Variants in ENO2 observed in about 807,000 individuals in gnomAD.
The protein encoded by ENO2 is enolase 2.
A neutral mutation model predicts 48.7 loss-of-function variants in ENO2; 19 were observed. The ratio of observed to expected loss-of-function variants is 0.39; its 90% CI spans 0.27 to 0.57. The LOEUF is 0.57. ENO2 is among the 20% of genes least tolerant of loss of function. The pLI is 0.58. For synonymous variants in ENO2, 198 were observed against 213.4 expected (o/e 0.93, Z 0.63); for missense variants, 416 against 555.0 (o/e 0.75, Z 2.52).
chr12:6,921,519 C>T (rs1945340550), intron 8 of ENO2, 62 bp from the exon 9 acceptor site: 1 of 1,548,840 alleles, frequency 6.5e-7, no homozygotes, highest in Non-Finnish European at 8.9e-7. Context: ...CATGTTCCTG[C>T]CTGATGTAGA....
Position 6,917,368 on chromosome 12 carries a change from G to A in ENO2, c.311-213G>A, listed in dbSNP as rs138820615. 1,978 of 720,194 alleles carry A rather than the reference G, an allele frequency of 2.7e-3. 21 individuals are homozygous for A. Among genetic ancestry groups the A allele is most frequent in the African/African-American group, 0.025 (1,389 of 56,072 alleles). 44.6% of individuals were successfully genotyped at this position (720,194 alleles called of 1,614,324 possible). On this transcript the variant is annotated intron_variant, in intron 5 of 11. Coordinates refer to ENST00000229277, the MANE Select transcript of ENO2 (RefSeq NM_001975.3). ...GTGGTCTCAGGGATATTTAGAAAGAGGTGTGGCTCTCTGCCGTTTCCAATC... is the reference window on the plus strand; with the variant it reads ...GTGGTCTCAGGGATATTTAGAAAGAAGTGTGGCTCTCTGCCGTTTCCAATC...
chr12:6,919,941 A>G (rs991659016), intron 8 of ENO2, among the ~76,000 whole-genome samples, 178 bp downstream of exon 8: 1 of 152,106 alleles, frequency 6.6e-6, no homozygotes, highest in Admixed American at 6.5e-5. Context: ...TGTAGTGTAA[A>G]AATGCAGGTA....
chr12:6,922,903 G>C lies in ENO2; in HGVS notation c.*103G>C. 1 of 1,381,838 alleles carries C rather than the reference G, an allele frequency of 7.2e-7. No homozygotes were observed. Among genetic ancestry groups the C allele is most frequent in the Non-Finnish European group, 1.0e-6 (1 of 982,980 alleles). 85.6% of individuals were successfully genotyped at this position (1,381,838 alleles called of 1,614,324 possible). On this transcript the variant is annotated 3_prime_UTR_variant, in exon 12 of 12. Transcript: ENST00000229277. The surrounding 1 kb of genome is among the most constrained non-coding windows in gnomAD (Gnocchi z 5.3). ...CCCCCTGAGATCCCCTGAGCCCCAG[G>C]GTGCCCAGAACTTCCCTGATTGACC... is the stretch of plus-strand genomic sequence containing the variant.
chr12:6,918,969 G>A (rs894851333), intron 7 of ENO2, among the ~76,000 whole-genome samples: 2 of 138,472 alleles, frequency 1.4e-5, no homozygotes, highest in African/African-American at 5.8e-5. Flanking sequence ...GCAACAGAGC[G>A]AGACTCCGTC....
rs781962062 is a variant in ENO2, at chr12:6,921,207, A to G, written c.866-374A>G. ...TCCAGGAGTTCGAGACTGGCCTGGC[A>G]ATACAGTGAGACCTCATCTCTACAA... is the stretch of plus-strand genomic sequence containing the variant. On this transcript the variant is annotated intron_variant, in intron 8 of 11. Coordinates refer to ENST00000229277, the MANE Select transcript of ENO2 (RefSeq NM_001975.3). Among the ~76,000 whole-genome samples, 43 of 152,184 alleles carry G rather than the reference A, an allele frequency of 2.8e-4. 1 individual carries two copies. The highest frequency in any genetic ancestry group is 5.2e-4 in the Admixed American group (8 of 15,288).
At chr12:6,915,591 C>T (rs782216501) in intron 1 of ENO2, 2 of 546,688 alleles carry the variant, frequency 3.7e-6, no homozygotes, top group East Asian at 3.0e-5. Context: ...ACCCCGCCCC[C>T]CACTGCAGTG....
In ENO2 at chr12:6,919,612, A is replaced by G. The variant is rs1555141928; in HGVS notation, c.714A>G (p.Glu238=). ...CCATCGACAAGGCTGGCTACACGGA[A>G]AAGATCGTTATTGGCATGGATGTTG... ...KEAIDKAGYT[E]KIVIGMDVAA... The change falls in exon 8 of 12, where the codon GAA becomes GAG. Residue 238 remains glutamate, a synonymous_variant. Transcript: ENST00000229277. 6.2e-7 allele frequency: 1 copy of G among 1,614,124 alleles called. No homozygotes were observed. Among genetic ancestry groups the G allele is most frequent in the Non-Finnish European group, 8.5e-7 (1 of 1,180,030 alleles).
intron 9 of ENO2, 111 bp from the exon 10 acceptor site, chr12:6,921,945 C>T (rs905753617): frequency 1.3e-6 from 2 of 1,527,894 alleles, no homozygotes; most frequent in East Asian, 2.3e-5. Context: ...ATTCTCTGCT[C>T]CCCTCCCAGA....
At chr12:6,915,694 A>ACCCCCCCC in intron 1 of ENO2, 127 bp from the exon 2 acceptor site, 1 of 145,570 alleles carries the variant, frequency 6.9e-6, no homozygotes, top group Admixed American at 5.9e-5. Context: ...GCGCCTCCCT[A>ACCCCCCCC]CCCACCCCCC....
Position 6,920,390 on chromosome 12 carries a change from G to GT in ENO2, c.865+635dup, listed in dbSNP as rs200959892. 8.3e-5 allele frequency among the ~76,000 whole-genome samples: 12 copies of GT among 144,362 alleles called. 1 individual carries two copies. Among genetic ancestry groups the GT allele is most frequent in the Admixed American group, 2.1e-4 (3 of 14,390 alleles). 94.7% of individuals were successfully genotyped at this position (144,362 alleles called of 152,430 possible). On this transcript the variant is annotated intron_variant, in intron 8 of 11. Transcript: ENST00000229277. ...TTTTTTTTGGGGGGGGGGTGGGGTT[G>GT]TTTTTTTTGTTTTGTTTTTTTTTTT...
rs782109493 is a variant in ENO2, at chr12:6,922,866, T to A, written c.*66T>A. On this transcript the variant is annotated 3_prime_UTR_variant, in exon 12 of 12. Coordinates refer to ENST00000229277, the MANE Select transcript of ENO2 (RefSeq NM_001975.3). This position sits in a 1 kb window ranked among gnomAD's most constrained non-coding sequence, Gnocchi z 5.3. ...CTCCTGGAACCTTGCTGTCCTGATC[T>A]GTGATAGTTCACCCCCTGAGATCCC... 6.3e-7 allele frequency: 1 copy of A among 1,578,932 alleles called. No individual in the cohort carries two copies. The highest frequency in any genetic ancestry group is 8.7e-7 in the Non-Finnish European group (1 of 1,149,992).
chr12:6,923,483 TC>T lies in ENO2; in HGVS notation c.*685del. On this transcript the variant is annotated 3_prime_UTR_variant, in exon 12 of 12. Coordinates refer to ENST00000229277, the MANE Select transcript of ENO2 (RefSeq NM_001975.3). ...TCATAGAAAGGGCCTTGACATCAGT[TC>T]CTTTGTGTGTACTCACTGAAGCCTG... 1.3e-5 allele frequency: 2 copies of T among 152,330 alleles called. No individual in the cohort carries two copies. Among genetic ancestry groups the T allele is most frequent in the Admixed American group, 1.3e-4 (2 of 15,292 alleles). 9.4% of individuals were successfully genotyped at this position (152,330 alleles called of 1,614,324 possible). A position where few individuals can be genotyped will look rare whatever the true frequency, so the allele number is the denominator to read the frequency against.
In ENO2 at chr12:6,922,314, C is replaced by T. The variant is rs1358836569; in HGVS notation, c.1177-30C>T. The T allele has an allele frequency of 1.9e-6, 3 of 1,614,120 alleles. No individual in the cohort carries two copies. The African/African-American group carries it at 4.0e-5, about 22-fold the overall frequency. On this transcript the variant is annotated intron_variant, in intron 10 of 11. Coordinates refer to ENST00000229277, the MANE Select transcript of ENO2 (RefSeq NM_001975.3). This position sits in a 1 kb window ranked among gnomAD's most constrained non-coding sequence, Gnocchi z 5.3. ...CCTTTCAGGGGTGAGAGGGCAGTCA[C>T]TGAGCTGCAAATCCTTTGAAATGTT...
chr12:6,919,955 G>C (rs556774377), intron 8 of ENO2, among the ~76,000 whole-genome samples, 192 bp downstream of exon 8: 1 of 152,256 alleles, frequency 6.6e-6, no homozygotes, highest in African/African-American at 2.4e-5. Flanking sequence ...GCAGGTACCC[G>C]TGACCAATCT....
chr12:6,919,425 T>G (rs782444363), intron 7 of ENO2, 141 bp from the exon 8 acceptor site: 1 of 842,888 alleles, frequency 1.2e-6, no homozygotes, highest in East Asian at 2.7e-5. Context: ...CTCCCAGACC[T>G]GGGGATAACC....
At chr12:6,915,978 G>T (rs1295482152) in intron 2 of ENO2, 61 bp downstream of exon 2, 4 of 1,593,416 alleles carry the variant, frequency 2.5e-6, no homozygotes, top group South Asian at 2.2e-5. Context: ...GGCTGGGTTC[G>T]GCCAGGGGTT....
At position 6,922,822 on chromosome 12, in the gene ENO2, GTGGAACCTCTGTCTCATCCTCC is replaced by G. The variant is rs782570587; in HGVS notation, c.*31_*52del. The G allele has an allele frequency of 6.2e-7, 1 of 1,612,896 alleles. No homozygotes were observed. Among genetic ancestry groups the G allele is most frequent in the African/African-American group, 1.3e-5 (1 of 74,836 alleles). ...GTGATTCCTCTGCTTGCCTGGAGAC[GTGGAACCTCTGTCTCATCCTCC>G]TGGAACCTTGCTGTCCTGATCTGTG... On this transcript the variant is annotated 3_prime_UTR_variant, in exon 12 of 12. Transcript: ENST00000229277. The surrounding 1 kb of genome is among the most constrained non-coding windows in gnomAD (Gnocchi z 5.3).
At chr12:6,921,847 C>A in intron 9 of ENO2, 65 bp downstream of exon 9, 1 of 1,588,206 alleles carries the variant, frequency 6.3e-7, no homozygotes, top group Non-Finnish European at 8.6e-7. Context: ...TGCAAGTGCT[C>A]CAGCCTAATT....
chr12:6,921,533 C>A, intron 8 of ENO2, 48 bp from the exon 9 acceptor site: 2 of 1,587,952 alleles, frequency 1.3e-6, no homozygotes, highest in Middle Eastern at 1.7e-4. Context: ...ATGTAGAGAC[C>A]CAGGGAAGAT....
Sources: allele counts gnomAD v4.1 joint callset (sites outside exome capture counted in the v4.1 genomes callset), GRCh38; gene constraint gnomAD v4.1.1; non-coding constraint Gnocchi (gnomAD v3.1); transcripts MANE v1.5; gene names NCBI Gene and HGNC (gene_info 2026-07-23, HGNC 2026-07-21).